Variants in CIP2A observed in about 807,000 individuals in gnomAD.
CIP2A encodes the protein protein CIP2A.
A neutral mutation model predicts 110.9 loss-of-function variants in CIP2A; 103 were observed. That is an observed-to-expected ratio of 0.93 (90% confidence interval 0.79 to 1.09). The LOEUF is 1.09. Among genes scored for constraint, CIP2A ranks in the 50% least tolerant of loss-of-function variants. The probability of loss-of-function intolerance (pLI) is 0.00; values close to 1 mark genes in which losing one functional copy is unlikely to be tolerated. For missense variants in CIP2A, 1,088 were observed against 1,038.4 expected (o/e 1.05, Z -0.66); for synonymous variants, 381 against 361.6 (o/e 1.05, Z -0.61).
intron 4 of CIP2A, among the ~76,000 whole-genome samples, chr3:108,581,884 T>G (rs1237866641): frequency 2.0e-5 from 3 of 152,186 alleles, no homozygotes. Flanking sequence ...TAAAGTTGCT[T>G]TACAATTTTT....
rs768486624 is a variant in CIP2A at position 108,557,387 on chromosome 3, C to T, written c.2041G>A (p.Glu681Lys). The change falls in exon 17 of 21, where the codon GAA (glutamate) becomes AAA (lysine). Residue 681 changes from glutamate (E) to lysine (K), a missense_variant. Glu to Lys is a moderately conservative substitution (Grantham distance 56). Transcript: ENST00000295746. ...AGCTCTTCATTTTTTCTCTCAACTT[C>T]TCTCAACATACTAGCAAGTGTCCGT... is the stretch of plus-strand genomic sequence containing the variant. ...EARTLASMLR[E>K]VERKNEELSV... The T allele has an allele frequency of 1.9e-4, 313 of 1,605,144 alleles. No individual in the cohort carries two copies. Among genetic ancestry groups the T allele is most frequent in the Non-Finnish European group, 2.6e-4 (308 of 1,174,938 alleles).
intron 10 of CIP2A, among the ~76,000 whole-genome samples, chr3:108,567,641 A>T (rs887696441): frequency 6.6e-6 from 1 of 151,936 alleles, no homozygotes; most frequent in Non-Finnish European, 1.5e-5. Flanking sequence ...GTGTTGATAT[A>T]CTTGTCTTTT....
intron 5 of CIP2A, 65 bp downstream of exon 5, chr3:108,581,350 C>A: frequency 8.9e-7 from 1 of 1,121,240 alleles, no homozygotes; most frequent in South Asian, 1.4e-5. Context: ...AAGATAAATA[C>A]AATTTTCTTT....
intron 8 of CIP2A, among the ~76,000 whole-genome samples, chr3:108,571,926 G>A (rs1054351100): frequency 7.9e-5 from 12 of 152,088 alleles, no homozygotes; most frequent in Non-Finnish European, 1.6e-4. Flanking sequence ...GTGGGTGTCA[G>A]ATGGTATGAT....
rs1390702778 is a variant in CIP2A, at chr3:108,550,550, A to G, written c.*599T>C. ...AAATGTAATAGTTTAACACAATGAC[A>G]GTTTTCTAATTTTTATACATTTTAT... On this transcript the variant is annotated 3_prime_UTR_variant, in exon 21 of 21. Transcript: ENST00000295746. 1 of 151,462 alleles carries G rather than the reference A, an allele frequency of 6.6e-6. No homozygotes were observed. Among genetic ancestry groups the G allele is most frequent in the East Asian group, 1.9e-4 (1 of 5,164 alleles). The allele number at this position is 151,462 out of a possible 1,614,324, so 9.4% of individuals were successfully genotyped here. A position where few individuals can be genotyped will look rare whatever the true frequency, so the allele number is the denominator to read the frequency against.
intron 3 of CIP2A, 88 bp downstream of exon 3, chr3:108,582,889 T>C (rs891093678): frequency 2.2e-5 from 15 of 689,292 alleles, no homozygotes; most frequent in Non-Finnish European, 3.2e-5. Flanking sequence ...ATAGCATATA[T>C]ACACTGTAAG....
chr3:108,564,408 A>G (rs1302317886), intron 12 of CIP2A, among the ~76,000 whole-genome samples: 1 of 152,008 alleles, frequency 6.6e-6, no homozygotes, highest in African/African-American at 2.4e-5. Flanking sequence ...TAATTCACTC[A>G]TTTTTGTTAA....
intron 16 of CIP2A, among the ~76,000 whole-genome samples, chr3:108,558,310 G>A (rs1937882484): frequency 6.6e-6 from 1 of 152,140 alleles, no homozygotes; most frequent in South Asian, 2.1e-4. Flanking sequence ...GACTTAAGAG[G>A]CATTTTACTA....
At chr3:108,589,185 C>A in intron 1 of CIP2A, 89 bp downstream of exon 1, 1 of 941,440 alleles carries the variant, frequency 1.1e-6, no homozygotes, top group Non-Finnish European at 1.7e-6. Flanking sequence ...CCTTTCTTTC[C>A]CAGGCTGGGG....
intron 5 of CIP2A, among the ~76,000 whole-genome samples, chr3:108,580,356 G>A (rs1386700198): frequency 6.7e-6 from 1 of 149,800 alleles, no homozygotes; most frequent in Non-Finnish European, 1.5e-5. Flanking sequence ...ATGAAACTAT[G>A]AGCAAATGTT....
At chr3:108,572,993 G>A (rs967194525) in intron 8 of CIP2A, among the ~76,000 whole-genome samples, 3 of 151,944 alleles carry the variant, frequency 2.0e-5, no homozygotes, top group Non-Finnish European at 4.4e-5. Context: ...TTCCTAGTGT[G>A]CTAATCTTTA....
At chr3:108,575,519 C>CATGTGT (rs1298313020) in intron 8 of CIP2A, among the ~76,000 whole-genome samples, 2 of 41,654 alleles carry the variant, frequency 4.8e-5, no homozygotes, top group African/African-American at 1.2e-4. Context: ...TATACACATA[C>CATGTGT]ATATATACAC....
intron 10 of CIP2A, 99 bp from the exon 11 acceptor site, chr3:108,566,737 C>A (rs1938201431): frequency 1.4e-6 from 1 of 694,752 alleles, no homozygotes; most frequent in Non-Finnish European, 2.2e-6. Context: ...TCACTGTCAT[C>A]CAGTATAATT....
At chr3:108,575,576 A>C in intron 8 of CIP2A, among the ~76,000 whole-genome samples, 1 of 149,860 alleles carries the variant, frequency 6.7e-6, no homozygotes, top group Non-Finnish European at 1.5e-5. Flanking sequence ...ATATATACTC[A>C]TATACATGTG....
chr3:108,574,756 G>C (rs1938510919), intron 8 of CIP2A: 1 of 152,966 alleles, frequency 6.5e-6, no homozygotes, highest in Non-Finnish European at 1.5e-5. Flanking sequence ...AGGCTTCTGA[G>C]AGCTATTATG....
intron 1 of CIP2A, 130 bp downstream of exon 1, chr3:108,589,144 C>G: frequency 1.5e-6 from 1 of 669,014 alleles, no homozygotes; most frequent in Non-Finnish European, 2.6e-6. Flanking sequence ...TTTACCAGTA[C>G]GAAAAGACAA....
intron 8 of CIP2A, among the ~76,000 whole-genome samples, chr3:108,572,967 AG>A (rs930926087): frequency 1.3e-5 from 2 of 152,084 alleles, no homozygotes; most frequent in Non-Finnish European, 2.9e-5. Context: ...TATCAGGGAA[AG>A]GAAGTTACTG....
chr3:108,581,283 T>C, intron 5 of CIP2A, 132 bp downstream of exon 5: 1 of 642,338 alleles, frequency 1.6e-6, no homozygotes, highest in East Asian at 2.8e-5. Context: ...TGACTCTTAA[T>C]TTTGATGGGT....
chr3:108,555,624 C>T (rs1483523208), intron 17 of CIP2A, among the ~76,000 whole-genome samples: 1 of 152,090 alleles, frequency 6.6e-6, no homozygotes, highest in East Asian at 1.9e-4. Flanking sequence ...AAGTTTCTTT[C>T]TCAGGGTCTT....
Sources: allele counts gnomAD v4.1 joint callset (sites outside exome capture counted in the v4.1 genomes callset), GRCh38; gene constraint gnomAD v4.1.1; transcripts MANE v1.5; gene names NCBI Gene and HGNC (gene_info 2026-07-23, HGNC 2026-07-21).